Variants in HECW2 observed in about 807,000 individuals in gnomAD.
HECW2 encodes the protein E3 ubiquitin-protein ligase HECW2.
A neutral mutation model predicts 175.2 loss-of-function variants in HECW2; 61 were observed. The ratio of observed to expected loss-of-function variants is 0.35; its 90% CI spans 0.28 to 0.43. HECW2 has a LOEUF of 0.43. Among genes scored for constraint, HECW2 ranks in the 20% least tolerant of loss-of-function variants. The pLI, the probability that HECW2 is intolerant of heterozygous loss-of-function variation, is 1.00. For missense variants in HECW2, 1,524 were observed against 2,000.5 expected, an observed-to-expected ratio of 0.76 and a Z score of 4.54; for synonymous variants, 671 against 731.0, an observed-to-expected ratio of 0.92 and a Z score of 1.32.
At chr2:196,546,766 A>G (rs1223104163) in intron 1 of HECW2, among the ~76,000 whole-genome samples, 3 of 151,898 alleles carry the variant, frequency 2.0e-5, no homozygotes, top group Non-Finnish European at 4.4e-5. Flanking sequence ...ATTCTTCTGC[A>G]GTGCATTTGA....
chr2:196,522,403 G>A (rs1391905168), intron 1 of HECW2, among the ~76,000 whole-genome samples: 149 of 152,224 alleles, frequency 9.8e-4, no homozygotes, highest in African/African-American at 3.3e-3. Context: ...AGTAGGTTGC[G>A]AAAACTTTCT....
chr2:196,216,463 T>C (rs1297390568), intron 27 of HECW2, among the ~76,000 whole-genome samples: 1 of 152,044 alleles, frequency 6.6e-6, no homozygotes, highest in Non-Finnish European at 1.5e-5. Flanking sequence ...AGAGACTTCC[T>C]TGTGTCTGGT....
chr2:196,282,660 G>A (rs937100366), intron 14 of HECW2, among the ~76,000 whole-genome samples: 1 of 152,194 alleles, frequency 6.6e-6, no homozygotes, highest in African/African-American at 2.4e-5. Context: ...TTATGATAAC[G>A]ATTGTGGAGA....
At chr2:196,223,444 T>C (rs1156609823) in intron 23 of HECW2, among the ~76,000 whole-genome samples, 2 of 151,476 alleles carry the variant, frequency 1.3e-5, no homozygotes, top group African/African-American at 2.4e-5. Flanking sequence ...AAGGAATACA[T>C]GAAGGAGGAG....
At position 196,199,188 on chromosome 2, in the gene HECW2, T is replaced by C. The variant is rs1686779327; in HGVS notation, c.*2089A>G. 1 of 151,776 alleles carries C rather than the reference T, an allele frequency of 6.6e-6. No homozygotes were observed. Among genetic ancestry groups the C allele is most frequent in the South Asian group, 2.1e-4 (1 of 4,794 alleles). The allele number at this position is 151,776 out of a possible 1,614,324, so 9.4% of individuals were successfully genotyped here. On this transcript the variant is annotated 3_prime_UTR_variant, in exon 29 of 29. Transcript: ENST00000644978. ...TCTTGTATACCATCAAATATGTGAC[T>C]TAAAAAAAAGTGTGTTATACTACTT...
At position 196,302,156 on chromosome 2, in the gene HECW2, A is replaced by G. The variant is rs566992988; in HGVS notation, c.2814+4332T>C. Among the ~76,000 whole-genome samples the G allele has an allele frequency of 4.6e-5, 7 of 152,298 alleles. No homozygotes were observed. In the South Asian group the frequency reaches 1.2e-3, roughly 27 times the overall value. ...TAAATAGGGAATCAATCCTTTCCCC[A>G]ATGCCTGTTTTTGTCAGGTTTGCTG... is the stretch of plus-strand genomic sequence containing the variant. On this transcript the variant is annotated intron_variant, in intron 13 of 28. Coordinates refer to ENST00000644978, the MANE Select transcript of HECW2 (RefSeq NM_001348768.2).
At chr2:196,262,929 A>G (rs1445940836) in intron 17 of HECW2, 1 of 152,170 alleles carries the variant, frequency 6.6e-6, no homozygotes, top group Non-Finnish European at 1.5e-5. Context: ...GCTTAGTAAA[A>G]TACAAAGCAG....
At chr2:196,271,885 T>C (rs146122232) in intron 16 of HECW2, among the ~76,000 whole-genome samples, 67 of 152,366 alleles carry the variant, frequency 4.4e-4, no homozygotes, top group African/African-American at 1.5e-3. Context: ...TAACCTTTTA[T>C]ATGATTATTG....
chr2:196,476,777 T>G (rs565857153), intron 1 of HECW2, among the ~76,000 whole-genome samples: 1 of 151,442 alleles, frequency 6.6e-6, no homozygotes, highest in African/African-American at 2.4e-5. Flanking sequence ...AGCTTAAAAT[T>G]TGGGGTACAC....
chr2:196,354,852 C>G (rs1339004550), intron 2 of HECW2, among the ~76,000 whole-genome samples: 2 of 152,084 alleles, frequency 1.3e-5, no homozygotes, highest in African/African-American at 4.8e-5. Context: ...TTGGTCACAC[C>G]AAAGCACAAA....
At chr2:196,425,741 T>C (rs1048673128) in intron 2 of HECW2, among the ~76,000 whole-genome samples, 2 of 152,108 alleles carry the variant, frequency 1.3e-5, no homozygotes, top group African/African-American at 4.8e-5. Flanking sequence ...TTTCCTGAGA[T>C]AAAATCTACT....
chr2:196,364,827 G>A (rs1373613279), intron 2 of HECW2, among the ~76,000 whole-genome samples: 1 of 152,164 alleles, frequency 6.6e-6, no homozygotes, highest in African/African-American at 2.4e-5. Flanking sequence ...GTATGGATGG[G>A]CCATCAACAT....
chr2:196,494,186 G>C (rs555269948), intron 1 of HECW2, among the ~76,000 whole-genome samples: 2 of 152,228 alleles, frequency 1.3e-5, no homozygotes, highest in Admixed American at 6.5e-5. Flanking sequence ...GATGCCAAGA[G>C]TGTAGCAGTG....
At chr2:196,250,984 T>C (rs1688831417) in intron 19 of HECW2, among the ~76,000 whole-genome samples, 1 of 152,212 alleles carries the variant, frequency 6.6e-6, no homozygotes, top group Admixed American at 6.5e-5. Context: ...AGACCATTGA[T>C]AATGTCATGA....
At chr2:196,373,072 T>C (rs1460962298) in intron 2 of HECW2, among the ~76,000 whole-genome samples, 4 of 152,192 alleles carry the variant, frequency 2.6e-5, no homozygotes, top group Non-Finnish European at 4.4e-5. Context: ...GATATGAGTG[T>C]TGTTATTCTT....
chr2:196,588,709 A>T (rs1306343206), intron 1 of HECW2, among the ~76,000 whole-genome samples: 1 of 152,200 alleles, frequency 6.6e-6, no homozygotes, highest in Non-Finnish European at 1.5e-5. Context: ...AGCTAAGGAC[A>T]TTTCTCATCA....
chr2:196,521,817 A>AT (rs1259681991), intron 1 of HECW2, among the ~76,000 whole-genome samples: 1 of 148,770 alleles, frequency 6.7e-6, no homozygotes, highest in Non-Finnish European at 1.5e-5. Context: ...TGAACTCATC[A>AT]TTTTTTATGG....
chr2:196,410,911 AC>A (rs1262669265), intron 2 of HECW2, among the ~76,000 whole-genome samples: 1 of 144,688 alleles, frequency 6.9e-6, no homozygotes, highest in Non-Finnish European at 1.5e-5. Flanking sequence ...AGCAGTGATA[AC>A]AACAGCCCAC....
intron 2 of HECW2, among the ~76,000 whole-genome samples, chr2:196,368,589 C>G (rs543886796): frequency 6.6e-6 from 1 of 152,250 alleles, no homozygotes; most frequent in Non-Finnish European, 1.5e-5. Flanking sequence ...CTCTCTACCT[C>G]CTGATTAAGG....
Sources: gnomAD v4.1 joint callset for allele counts (sites outside exome capture counted in the v4.1 genomes callset) on GRCh38, gnomAD v4.1.1 for gene constraint, MANE v1.5 for transcripts, NCBI Gene and HGNC (gene_info 2026-07-23, HGNC 2026-07-21) for gene names.